The following ZBTB11 variants were observed in gnomAD, a reference collection of about 807,000 sequenced individuals.
The protein encoded by ZBTB11 is zinc finger and BTB domain-containing protein 11.
Under a neutral mutation model 113.1 loss-of-function variants are expected in ZBTB11, and 68 were observed. The observed-to-expected ratio is 0.60, with a 90% CI of 0.49 to 0.74. The LOEUF is 0.74. Among genes scored for constraint, ZBTB11 ranks in the 30% least tolerant of loss-of-function variants. The pLI, the probability that ZBTB11 is intolerant of heterozygous loss-of-function variation, is 0.00. For missense variants in ZBTB11, 1,104 were observed against 1,279.4 expected (o/e 0.86, Z 2.09); for synonymous variants, 518 against 452.6 (o/e 1.14, Z -1.83).
chr3:101,652,662 T>A lies in ZBTB11; in HGVS notation c.2478A>T (p.Ile826=), dbSNP rs1314000581. The A allele has an allele frequency of 6.2e-7, 1 of 1,613,524 alleles. No homozygotes were observed. Among genetic ancestry groups the A allele is most frequent in the Non-Finnish European group, 8.5e-7 (1 of 1,179,948 alleles). ...CTTTTTCATAAAATTCTTTGCCACATATATTACACCTAAAATAGGGGAAAA... is the reference window on the plus strand; with the variant it reads ...CTTTTTCATAAAATTCTTTGCCACAAATATTACACCTAAAATAGGGGAAAA... ...HSVTEPYRCN[I]CGKEFYEKAL... Residue 826 remains isoleucine (I), a synonymous_variant, in exon 10 of 11, where the codon ATA becomes ATT. Coordinates refer to ENST00000312938, the MANE Select transcript of ZBTB11 (RefSeq NM_014415.4).
intron 3 of ZBTB11, among the ~76,000 whole-genome samples, chr3:101,667,551 G>A (rs1047152202): frequency 5.3e-5 from 8 of 152,276 alleles, no homozygotes; most frequent in African/African-American, 1.7e-4. Context: ...CAAACATACA[G>A]AGAAGCCTTA....
At chr3:101,671,895 G>A in intron 2 of ZBTB11, 83 bp downstream of exon 2, 1 of 1,083,700 alleles carries the variant, frequency 9.2e-7, no homozygotes, top group Non-Finnish European at 1.4e-6. Flanking sequence ...AGTCTTAGTG[G>A]TTTGAGAAAA....
intron 7 of ZBTB11, among the ~76,000 whole-genome samples, chr3:101,655,236 A>G (rs1181125497): frequency 6.6e-6 from 1 of 152,212 alleles, no homozygotes. Flanking sequence ...GGGACATGGA[A>G]GCTATAACAT....
chr3:101,670,654 T>C, intron 3 of ZBTB11: 1 of 153,174 alleles, frequency 6.5e-6, no homozygotes, highest in Admixed American at 6.5e-5. Flanking sequence ...CAGGGTCTTG[T>C]TATATTGCCC....
chr3:101,668,154 C>A (rs928413001), intron 3 of ZBTB11, among the ~76,000 whole-genome samples: 34 of 136,450 alleles, frequency 2.5e-4, no homozygotes, highest in Non-Finnish European at 5.4e-4. Context: ...AAAAAAAAAA[C>A]TTAGATCATA....
intron 1 of ZBTB11, among the ~76,000 whole-genome samples, chr3:101,673,508 A>C (rs1336687895): frequency 6.8e-6 from 1 of 147,718 alleles, no homozygotes; most frequent in African/African-American, 2.5e-5. Flanking sequence ...AATTATACAA[A>C]GCTCCTTACA....
chr3:101,665,786 A>C lies in ZBTB11; in HGVS notation c.801T>G (p.Leu267=), dbSNP rs1275309221. The part of the protein sequence containing the change: ...DLSGFCKASF[L]PLLEFAYTSV... ...AAGTATAGGCAAATTCCAGTAAAGG[A>C]AGGAAGCTGGCCTTACAAAAACCTG... Residue 267 remains leucine (L), a synonymous_variant, in exon 4 of 11, where the codon CTT becomes CTG. Transcript: ENST00000312938. The C allele has an allele frequency of 1.2e-6, 2 of 1,603,480 alleles. No homozygotes were observed. The highest frequency in any genetic ancestry group is 4.5e-5 in the East Asian group (2 of 44,834).
chr3:101,671,077 CT>C, intron 3 of ZBTB11, 52 bp downstream of exon 3: 3 of 1,464,662 alleles, frequency 2.0e-6, no homozygotes, highest in Admixed American at 3.6e-5. Flanking sequence ...ACATATCCCC[CT>C]CTTCTAGAAT....
chr3:101,666,442 C>G (rs1474888249), intron 3 of ZBTB11, among the ~76,000 whole-genome samples: 4 of 152,180 alleles, frequency 2.6e-5, no homozygotes, highest in Non-Finnish European at 5.9e-5. Flanking sequence ...ATACAACCTT[C>G]TTTACAAAAG....
intron 3 of ZBTB11, among the ~76,000 whole-genome samples, chr3:101,666,933 T>C (rs1385601485): frequency 6.6e-6 from 1 of 152,128 alleles, no homozygotes; most frequent in African/African-American, 2.4e-5. Context: ...GTATTTTTAG[T>C]AGAGACGGGG....
rs576534459 is a variant in ZBTB11, at chr3:101,669,984, G to A, written c.778+1146C>T. On this transcript the variant is annotated intron_variant, in intron 3 of 10. Coordinates refer to ENST00000312938, the MANE Select transcript of ZBTB11 (RefSeq NM_014415.4). ...GCTGGGATTACAGGCATGCGCCACC[G>A]TGCCCAACTAATTTTGCATTTTTAG... Among the ~76,000 whole-genome samples the A allele has an allele frequency of 3.9e-5, 6 of 152,054 alleles. No individual in the cohort carries two copies. The East Asian group carries it at 9.7e-4, about 25-fold the overall frequency.
Position 101,665,648 on chromosome 3 carries a change from C to A in ZBTB11, c.939G>T (p.Glu313Asp). Residue 313 changes from glutamate (E) to aspartate (D), a missense_variant, in exon 4 of 11, where the codon GAG becomes GAT. Glu to Asp is a conservative substitution (Grantham distance 45). Transcript: ENST00000312938. ...CCTTCTTATATACTGTTAGCTGCTT[C>A]TCTTCCATTAGCTTATGTACACTTT... ...ICESVHKLME[E>D]KQLTVYKKGE... The A allele has an allele frequency of 6.2e-7, 1 of 1,614,220 alleles. No homozygotes were observed. The highest frequency in any genetic ancestry group is 1.1e-5 in the South Asian group (1 of 91,090).
At position 101,659,938 on chromosome 3, in the gene ZBTB11, T is replaced by C. The variant is rs1410918807; in HGVS notation, c.1891A>G (p.Asn631Asp). The change falls in exon 6 of 11, where the codon AAT (asparagine) becomes GAT (aspartate). Residue 631 changes from asparagine (N) to aspartate (D), a missense_variant. Physicochemically the swap from Asn to Asp is conservative, Grantham distance 23. Transcript: ENST00000312938. Reference sequence around the variant, plus strand: ...CCCGATGCTTCATTAGACGTGGAATTGGACGAGGATGAAGAGGGTGCATCT... The same window carrying C: ...CCCGATGCTTCATTAGACGTGGAATCGGACGAGGATGAAGAGGGTGCATCT... ...RKDAPSSSSSNSTSNEASGTS... is the reference protein window; with the variant it reads ...RKDAPSSSSSDSTSNEASGTS... The C allele has an allele frequency of 3.7e-6, 6 of 1,614,088 alleles. No individual in the cohort carries two copies. Among genetic ancestry groups the C allele is most frequent in the Non-Finnish European group, 8.5e-7 (1 of 1,180,050 alleles).
At position 101,665,824 on chromosome 3, in the gene ZBTB11, G is replaced by A. The variant is rs1936988340; in HGVS notation, c.779-16C>T. The A allele has an allele frequency of 1.9e-6, 3 of 1,554,054 alleles. No individual in the cohort carries two copies. Among genetic ancestry groups the A allele is most frequent in the Non-Finnish European group, 2.6e-6 (3 of 1,155,888 alleles). ...TTACAAAAACCTGTATGAATACAAA[G>A]AAGGTAAAGACAAAAAAGTCAATTA... On this transcript the variant is annotated splice_polypyrimidine_tract_variant and intron_variant, in intron 3 of 10. Transcript: ENST00000312938.
At chr3:101,654,457 T>G (rs1936759868) in intron 8 of ZBTB11, among the ~76,000 whole-genome samples, 1 of 152,114 alleles carries the variant, frequency 6.6e-6, no homozygotes, top group Non-Finnish European at 1.5e-5. Context: ...GAGACTCTTC[T>G]TTCCCACAGT....
intron 3 of ZBTB11, 166 bp downstream of exon 3, chr3:101,670,964 T>C (rs1016290309): frequency 1.7e-6 from 1 of 587,344 alleles, no homozygotes. Flanking sequence ...TCCATAACTC[T>C]ACCACAGAAA....
At chr3:101,654,282 C>A (rs1936755707) in intron 8 of ZBTB11, among the ~76,000 whole-genome samples, 1 of 152,186 alleles carries the variant, frequency 6.6e-6, no homozygotes, top group Non-Finnish European at 1.5e-5. Context: ...TTCAGATGAT[C>A]TGCCCGCCTT....
intron 5 of ZBTB11, 134 bp downstream of exon 5, chr3:101,664,404 G>A (rs761979872): frequency 1.2e-5 from 10 of 822,178 alleles, no homozygotes; most frequent in South Asian, 2.5e-5. Flanking sequence ...TAAATGACAT[G>A]CACATTTAAA....
At chr3:101,674,712 AAAAT>A (rs149939204) in intron 1 of ZBTB11, among the ~76,000 whole-genome samples, 48,760 of 150,094 alleles carry the variant, frequency 0.32, 8,504 homozygotes, top group Middle Eastern at 0.47. Flanking sequence ...ATAAATAAAT[AAAAT>A]AAATAAATAA....
Sources: allele counts gnomAD v4.1 joint callset (sites outside exome capture counted in the v4.1 genomes callset), GRCh38; gene constraint gnomAD v4.1.1; transcripts MANE v1.5; gene names NCBI Gene and HGNC (gene_info 2026-07-23, HGNC 2026-07-21).